The following FAM217A variants were observed in gnomAD, a reference collection of about 807,000 sequenced individuals.
The protein encoded by FAM217A is protein FAM217A.
FAM217A carries 13 observed loss-of-function variants against 18.5 expected under a neutral mutation model. That is an observed-to-expected ratio of 0.70 (90% confidence interval 0.46 to 1.12). FAM217A has a LOEUF of 1.12. FAM217A is among the 50% of genes most tolerant of loss of function. The pLI, the probability that FAM217A is intolerant of heterozygous loss-of-function variation, is 0.00. For missense variants in FAM217A, 560 were observed against 575.4 expected (o/e 0.97, Z 0.27); for synonymous variants, 161 against 202.8 (o/e 0.79, Z 1.75).
rs148572232 is a variant in FAM217A, at chr6:4,069,206, C to G, written c.1017G>C (p.Leu339Phe). ...TATCTACACAAGGTATCTGAAGACTCAAAGAGTCGCAAAGTTTTGGCTGTC... is the reference window on the plus strand; with the variant it reads ...TATCTACACAAGGTATCTGAAGACTGAAAGAGTCGCAAAGTTTTGGCTGTC... ...KVRQPKLCDSLSLQIPCVDKS... is the reference protein window; with the variant it reads ...KVRQPKLCDSFSLQIPCVDKS... The change falls in exon 7 of 7, where the codon TTG becomes TTC. Residue 339 changes from leucine to phenylalanine, a missense_variant. Leu to Phe is a conservative substitution (Grantham distance 22, BLOSUM62 0). Coordinates refer to ENST00000274673, the MANE Select transcript of FAM217A (RefSeq NM_173563.3). 7.4e-6 allele frequency: 12 copies of G among 1,612,268 alleles called. No individual in the cohort carries two copies. Among genetic ancestry groups the G allele is most frequent in the Non-Finnish European group, 8.5e-6 (10 of 1,179,096 alleles).
intron 4 of FAM217A, 74 bp downstream of exon 4, chr6:4,074,369 A>C: frequency 7.6e-7 from 1 of 1,317,040 alleles, no homozygotes. Flanking sequence ...CAGGAAGAAA[A>C]TTTTTTTAAA....
upstream of FAM217A, chr6:4,079,685 G>T (rs776894997): frequency 1.7e-5 from 22 of 1,281,322 alleles, no homozygotes; most frequent in Non-Finnish European, 2.1e-5. Flanking sequence ...CGCCCGGTAC[G>T]TAGTCCTCCA....
chr6:4,083,324 C>T (rs1770424338), upstream of FAM217A, among the ~76,000 whole-genome samples: 1 of 152,208 alleles, frequency 6.6e-6, no homozygotes, highest in Non-Finnish European at 1.5e-5. Flanking sequence ...GATAACATTC[C>T]TTTTCATTGT....
In FAM217A at chr6:4,073,483, G is replaced by T. The variant is rs184182245; in HGVS notation, c.184C>A (p.Gln62Lys). The T allele has an allele frequency of 6.2e-7, 1 of 1,613,408 alleles. No homozygotes were observed. Among genetic ancestry groups the T allele is most frequent in the East Asian group, 2.2e-5 (1 of 44,724 alleles). ...GACAAATTAGGTTCTAGCATCAGTTGCTCCACTGGAATTTCCAAATAGTTC... is the reference window on the plus strand; with the variant it reads ...GACAAATTAGGTTCTAGCATCAGTTTCTCCACTGGAATTTCCAAATAGTTC... Reference protein sequence around the residue: ...NKNYLEIPVEQLMLEPNLSVH... With the variant: ...NKNYLEIPVEKLMLEPNLSVH... Residue 62 changes from glutamine (Q) to lysine (K), a missense_variant, in exon 5 of 7, where the codon CAA (glutamine) becomes AAA (lysine). Transcript: ENST00000274673.
chr6:4,082,172 T>C (rs1770343983), upstream of FAM217A, among the ~76,000 whole-genome samples: 2 of 152,130 alleles, frequency 1.3e-5, no homozygotes, highest in Admixed American at 6.5e-5. Context: ...AACTTGGAAA[T>C]TGTGCCCTCT....
intron 1 of FAM217A, among the ~76,000 whole-genome samples, chr6:4,084,980 C>T (rs1166412969): frequency 6.6e-5 from 10 of 152,166 alleles, no homozygotes; most frequent in Non-Finnish European, 1.5e-4. Context: ...CAGCTCTCAT[C>T]ACAACAAGAA....
intron 6 of FAM217A, 24 bp from the exon 7 acceptor site, chr6:4,069,944 G>C (rs1769294812): frequency 6.9e-7 from 1 of 1,451,290 alleles, no homozygotes; most frequent in South Asian, 1.3e-5. Context: ...TTTAATTAAT[G>C]AATGGTTTAT....
At chr6:4,074,901 C>T (rs190379086) in intron 2 of FAM217A, among the ~76,000 whole-genome samples, 141 of 150,848 alleles carry the variant, frequency 9.3e-4, no homozygotes, top group African/African-American at 3.2e-3. Flanking sequence ...TTTGTGGTTT[C>T]GTTCACATTT....
intron 1 of FAM217A, among the ~76,000 whole-genome samples, chr6:4,085,161 TC>T (rs1770562178): frequency 6.6e-6 from 1 of 152,174 alleles, no homozygotes; most frequent in Non-Finnish European, 1.5e-5. Flanking sequence ...TTGGCTCAGA[TC>T]AAGATCACAC....
At chr6:4,070,522 T>C (rs1769332046) in intron 6 of FAM217A, among the ~76,000 whole-genome samples, 1 of 152,188 alleles carries the variant, frequency 6.6e-6, no homozygotes, top group African/African-American at 2.4e-5. Context: ...AGGTATTATG[T>C]TAAAATGAAA....
At chr6:4,077,088 G>A (rs112176045) in intron 2 of FAM217A, among the ~76,000 whole-genome samples, 1 of 152,168 alleles carries the variant, frequency 6.6e-6, no homozygotes, top group African/African-American at 2.4e-5. Flanking sequence ...AGCACTGCCT[G>A]GTTGATAACA....
At chr6:4,074,499 C>G in intron 3 of FAM217A, 43 bp from the exon 4 acceptor site, 2 of 1,580,520 alleles carry the variant, frequency 1.3e-6, no homozygotes, top group South Asian at 2.2e-5. Flanking sequence ...TTACATAAAA[C>G]TGATTATATT....
At chr6:4,069,954 T>C in intron 6 of FAM217A, 34 bp from the exon 7 acceptor site, 5 of 1,393,940 alleles carry the variant, frequency 3.6e-6, no homozygotes, top group Non-Finnish European at 3.9e-6. Flanking sequence ...GAATGGTTTA[T>C]TGACTAGAAT....
Position 4,069,061 on chromosome 6 carries a change from T to C in FAM217A, c.1162A>G (p.Ser388Gly). 1 of 1,614,028 alleles carries C rather than the reference T, an allele frequency of 6.2e-7. No individual in the cohort carries two copies. The highest frequency in any genetic ancestry group is 2.2e-5 in the East Asian group (1 of 44,882). ...ATCAATTGTTTTGGGGTGGAAGAAC[T>C]TTTTAGAGACAGTGGTCTAGAATTC... ...RWNSRPLSLK[S>G]SSTPKQLIET... The change falls in exon 7 of 7, where the codon AGT becomes GGT. Residue 388 changes from serine to glycine, a missense_variant. By Grantham distance (56) the Ser-to-Gly change is moderately conservative. Transcript: ENST00000274673.
chr6:4,087,029 T>C (rs1159809558), upstream of FAM217A: 6 of 399,002 alleles, frequency 1.5e-5, no homozygotes, highest in Non-Finnish European at 2.2e-5. Flanking sequence ...TCTGGGCATT[T>C]CCTCAGTTTT....
In FAM217A at chr6:4,072,075, G is replaced by A. The variant is rs1007549602; in HGVS notation, c.302+1200C>T. On this transcript the variant is annotated intron_variant, in intron 6 of 6. Transcript: ENST00000274673. ...TAACATTCAGGGGCCGGGCACGGTG[G>A]CTCACGCCCGTAATCCCAGCACTTT... Among the ~76,000 whole-genome samples, 3 of 152,214 alleles carry A rather than the reference G, an allele frequency of 2.0e-5. No individual in the cohort carries two copies. The East Asian group carries it at 5.8e-4, about 29-fold the overall frequency.
At position 4,068,622 on chromosome 6, in the gene FAM217A, G is replaced by T; in HGVS notation, c.*74C>A. 1 of 1,475,784 alleles carries T rather than the reference G, an allele frequency of 6.8e-7. No homozygotes were observed. Among genetic ancestry groups the T allele is most frequent in the Non-Finnish European group, 9.1e-7 (1 of 1,102,714 alleles). 91.4% of individuals were successfully genotyped at this position (1,475,784 alleles called of 1,614,324 possible). On this transcript the variant is annotated 3_prime_UTR_variant, in exon 7 of 7. Transcript: ENST00000274673. ...GGACTGTTAATAGTACCTGTGTCTT[G>T]GAATAATTAACCATATCTTAGTTGG...
chr6:4,068,850 TCTTC>T lies in FAM217A; in HGVS notation c.1369_1372del (p.Glu457LysfsTer20). 1 of 1,614,212 alleles carries T rather than the reference TCTTC, an allele frequency of 6.2e-7. No homozygotes were observed. The highest frequency in any genetic ancestry group is 8.5e-7 in the Non-Finnish European group (1 of 1,180,022). On this transcript the variant is annotated frameshift_variant, in exon 7 of 7. Coordinates refer to ENST00000274673, the MANE Select transcript of FAM217A (RefSeq NM_173563.3). LOFTEE classifies it low-confidence loss of function (END_TRUNC). Reference sequence around the variant, plus strand: ...AAAGTTTCTCTTCGGTGCCTTAATTTCTTCCTTCTGATTTTCGGGAAAAGTCAGA... The same window carrying T: ...AAAGTTTCTCTTCGGTGCCTTAATTTCTTCTGATTTTCGGGAAAAGTCAGA...
intron 2 of FAM217A, 60 bp downstream of exon 2, chr6:4,077,295 T>C: frequency 6.4e-7 from 1 of 1,557,982 alleles, no homozygotes; most frequent in Non-Finnish European, 8.9e-7. Flanking sequence ...TCCATGGGAG[T>C]TACGTGTTAG....
Sources: gnomAD v4.1 joint callset for allele counts (sites outside exome capture counted in the v4.1 genomes callset) on GRCh38, gnomAD v4.1.1 for gene constraint, MANE v1.5 for transcripts, NCBI Gene and HGNC (gene_info 2026-07-23, HGNC 2026-07-21) for gene names.